Variants in CADPS2 observed in about 807,000 individuals in gnomAD.
The protein encoded by CADPS2 is calcium-dependent secretion activator 2.
In CADPS2, 93 loss-of-function variants were observed where a neutral mutation model predicts 172.5. The ratio of observed to expected loss-of-function variants is 0.54; its 90% CI spans 0.46 to 0.64. The LOEUF is 0.64. CADPS2 is among the 30% of genes least tolerant of loss of function. CADPS2 has a pLI of 0.00. For synonymous variants in CADPS2, 546 were observed against 555.2 expected, an observed-to-expected ratio of 0.98 and a Z score of 0.23; for missense variants, 1,420 against 1,565.9, an observed-to-expected ratio of 0.91 and a Z score of 1.57.
In CADPS2 at chr7:122,694,933, CT is replaced by C. The variant is rs1289683418; in HGVS notation, c.454-31365del. 3.3e-5 allele frequency among the ~76,000 whole-genome samples: 5 copies of C among 152,176 alleles called. No homozygotes were observed. In the East Asian group the frequency reaches 9.6e-4, roughly 29 times the overall value. ...CTTCAGTGCCTTCCCAAATGCTCATCTTTCTCCCAGTTGATACCTACGTGCT... is the reference window on the plus strand; with the variant it reads ...CTTCAGTGCCTTCCCAAATGCTCATCTTCTCCCAGTTGATACCTACGTGCT... On this transcript the variant is annotated intron_variant, in intron 2 of 29. Transcript: ENST00000449022.
At position 122,406,434 on chromosome 7, in the gene CADPS2, T is replaced by C. The variant is rs541572705; in HGVS notation, c.2746+1106A>G. 3.7e-4 allele frequency among the ~76,000 whole-genome samples: 57 copies of C among 152,222 alleles called. 1 individual carries two copies. The South Asian group carries it at 0.011, about 29-fold the overall frequency. On this transcript the variant is annotated intron_variant, in intron 20 of 29. Coordinates refer to ENST00000449022, the MANE Select transcript of CADPS2 (RefSeq NM_017954.11). ...CAAATGTATTAACAGTGTGAAGAAGTTCCTTGGAGAGTCAGAGCAGACTTG... is the reference window on the plus strand; with the variant it reads ...CAAATGTATTAACAGTGTGAAGAAGCTCCTTGGAGAGTCAGAGCAGACTTG...
intron 17 of CADPS2, among the ~76,000 whole-genome samples, chr7:122,418,469 T>C (rs1001047023): frequency 5.3e-5 from 8 of 152,220 alleles, no homozygotes; most frequent in African/African-American, 1.9e-4. Context: ...CTATATCCTA[T>C]GAATAACTTG....
intron 17 of CADPS2, among the ~76,000 whole-genome samples, chr7:122,423,866 G>A (rs528180662): frequency 6.6e-6 from 1 of 152,302 alleles, no homozygotes; most frequent in African/African-American, 2.4e-5. Context: ...TGTAGGGAAT[G>A]CACTTCGAGA....
chr7:122,588,224 C>T (rs186057230), intron 6 of CADPS2, among the ~76,000 whole-genome samples: 1 of 152,146 alleles, frequency 6.6e-6, no homozygotes, highest in East Asian at 1.9e-4. Context: ...AATTAGATGC[C>T]ATTTGTCAAT....
chr7:122,399,656 G>GTTTTTT (rs1563239204), intron 20 of CADPS2, among the ~76,000 whole-genome samples: 1 of 94,550 alleles, frequency 1.1e-5, no homozygotes, highest in African/African-American at 3.6e-5. Context: ...TCAAGGGTGG[G>GTTTTTT]TTTCTTTTTT....
chr7:122,606,498 AAC>A (rs2073563906), intron 6 of CADPS2, among the ~76,000 whole-genome samples: 1 of 152,106 alleles, frequency 6.6e-6, no homozygotes, highest in African/African-American at 2.4e-5. Context: ...GCCTAAATTG[AAC>A]ACACACAAGA....
At chr7:122,484,585 G>A (rs1346424527) in intron 11 of CADPS2, among the ~76,000 whole-genome samples, 18 of 151,544 alleles carry the variant, frequency 1.2e-4, no homozygotes, top group Admixed American at 1.2e-3. Flanking sequence ...TTTGGGTTAG[G>A]CAAAGATCCT....
chr7:122,572,905 C>T (rs2067460964), intron 7 of CADPS2, among the ~76,000 whole-genome samples: 1 of 152,114 alleles, frequency 6.6e-6, no homozygotes, highest in South Asian at 2.1e-4. Flanking sequence ...GAAAAATCTC[C>T]ATATGCCACC....
chr7:122,470,489 T>TTTTTTA (rs901842820), intron 14 of CADPS2, among the ~76,000 whole-genome samples: 1 of 151,920 alleles, frequency 6.6e-6, no homozygotes, highest in Non-Finnish European at 1.5e-5. Flanking sequence ...TTTTTATTTA[T>TTTTTTA]TTTTTATTTT....
chr7:122,455,161 T>C (rs1308888584), intron 14 of CADPS2, among the ~76,000 whole-genome samples: 2 of 152,084 alleles, frequency 1.3e-5, no homozygotes, highest in Non-Finnish European at 2.9e-5. Flanking sequence ...TCCTAACTAG[T>C]CCTCAAACAC....
intron 2 of CADPS2, among the ~76,000 whole-genome samples, chr7:122,697,506 T>C (rs2085303825): frequency 2.0e-5 from 3 of 152,156 alleles, no homozygotes; most frequent in Admixed American, 2.0e-4. Flanking sequence ...AATAAGTTTG[T>C]CCTTAGCTTT....
At chr7:122,670,053 G>A (rs549409374) in intron 2 of CADPS2, among the ~76,000 whole-genome samples, 6 of 151,602 alleles carry the variant, frequency 4.0e-5, no homozygotes, top group Admixed American at 3.3e-4. Flanking sequence ...CTCCCATGAC[G>A]GTTCTCCCTC....
At chr7:122,618,817 T>C (rs892355059) in intron 5 of CADPS2, among the ~76,000 whole-genome samples, 1 of 152,216 alleles carries the variant, frequency 6.6e-6, no homozygotes, top group African/African-American at 2.4e-5. Flanking sequence ...TCTGGTGTCC[T>C]ATAAACATGC....
intron 1 of CADPS2, among the ~76,000 whole-genome samples, chr7:122,883,157 A>G (rs1419652601): frequency 2.6e-5 from 4 of 152,194 alleles, no homozygotes; most frequent in Non-Finnish European, 4.4e-5. Flanking sequence ...ACCTCTTACT[A>G]ACTTTGTGGA....
chr7:122,660,485 A>G (rs2080402538), intron 3 of CADPS2, among the ~76,000 whole-genome samples: 1 of 152,166 alleles, frequency 6.6e-6, no homozygotes, highest in Non-Finnish European at 1.5e-5. Context: ...GCAAAGAACA[A>G]ATGCATCAAG....
intron 15 of CADPS2, among the ~76,000 whole-genome samples, chr7:122,449,662 G>A (rs1183492600): frequency 6.6e-6 from 1 of 152,076 alleles, no homozygotes; most frequent in Non-Finnish European, 1.5e-5. Context: ...CTCTAAAACT[G>A]CAAAATAATT....
chr7:122,462,129 A>G (rs1197162818), intron 14 of CADPS2, among the ~76,000 whole-genome samples: 2 of 152,238 alleles, frequency 1.3e-5, no homozygotes, highest in Non-Finnish European at 2.9e-5. Flanking sequence ...AAATCTAAGC[A>G]AATACGAAGT....
intron 1 of CADPS2, among the ~76,000 whole-genome samples, chr7:122,834,565 G>A (rs1327210375): frequency 6.6e-6 from 1 of 152,162 alleles, no homozygotes; most frequent in Non-Finnish European, 1.5e-5. Context: ...ACAGCACCTG[G>A]AAAACTGGGT....
intron 2 of CADPS2, among the ~76,000 whole-genome samples, chr7:122,690,880 C>T (rs1336968311): frequency 1.3e-5 from 2 of 152,166 alleles, no homozygotes; most frequent in African/African-American, 4.8e-5. Flanking sequence ...CGGACTGTGA[C>T]AACAGTCCAG....
Sources: allele counts gnomAD v4.1 joint callset (sites outside exome capture counted in the v4.1 genomes callset), GRCh38; gene constraint gnomAD v4.1.1; transcripts MANE v1.5; gene names NCBI Gene and HGNC (gene_info 2026-07-23, HGNC 2026-07-21).